SMAP1: variants seen among roughly 807,000 people sequenced by gnomAD.
SMAP1 encodes small ArfGAP 1, also known as stromal membrane-associated protein 1.
Under a neutral mutation model 58.5 loss-of-function variants are expected in SMAP1, and 24 were observed. The ratio of observed to expected loss-of-function variants is 0.41; its 90% confidence interval spans 0.30 to 0.58. The LOEUF (loss-of-function observed/expected upper bound fraction) is 0.58. SMAP1 is among the 20% of genes least tolerant of loss of function. The pLI is 0.29. For synonymous variants in SMAP1, 216 were observed against 196.6 expected (o/e 1.10, Z -0.82); for missense variants, 563 against 566.3 (o/e 0.99, Z 0.06).
chr6:70,768,070 T>G (rs1273932404), intron 3 of SMAP1, among the ~76,000 whole-genome samples: 2 of 152,180 alleles, frequency 1.3e-5, no homozygotes, highest in African/African-American at 2.4e-5. Flanking sequence ...TTTGTGTATA[T>G]TGAACCAGCC....
At chr6:70,759,355 GT>G in intron 3 of SMAP1, among the ~76,000 whole-genome samples, 1 of 152,178 alleles carries the variant, frequency 6.6e-6, no homozygotes, top group East Asian at 1.9e-4. Context: ...GTTTGTGTCT[GT>G]GGCAGGGTGG....
chr6:70,668,547 C>CG, intron 1 of SMAP1: 1 of 1,527,498 alleles, frequency 6.5e-7, no homozygotes, highest in African/African-American at 1.4e-5. Context: ...TGGGTGGGGC[C>CG]GCGCTTAGGT....
intron 3 of SMAP1, among the ~76,000 whole-genome samples, chr6:70,758,024 A>G (rs1425729179): frequency 2.0e-5 from 3 of 152,048 alleles, no homozygotes; most frequent in Non-Finnish European, 4.4e-5. Context: ...TACTGGGTAT[A>G]TACCCAAAGG....
chr6:70,675,609 C>T (rs1001195989), intron 1 of SMAP1, among the ~76,000 whole-genome samples: 8 of 151,162 alleles, frequency 5.3e-5, no homozygotes, highest in African/African-American at 1.9e-4. Context: ...CAAGATCGTG[C>T]CATTGCACTA....
intron 3 of SMAP1, chr6:70,759,960 G>A: frequency 2.6e-5 from 10 of 387,638 alleles, no homozygotes; most frequent in South Asian, 1.9e-4. Context: ...CGGTGACATA[G>A]AGCATAATAT....
At chr6:70,761,915 T>C (rs1022867771) in intron 3 of SMAP1, among the ~76,000 whole-genome samples, 2 of 152,098 alleles carry the variant, frequency 1.3e-5, no homozygotes, top group Non-Finnish European at 2.9e-5. Context: ...CTTCAAACTC[T>C]TGTCAACCTT....
intron 3 of SMAP1, among the ~76,000 whole-genome samples, chr6:70,768,493 C>T (rs532496143): frequency 5.2e-4 from 79 of 152,166 alleles, no homozygotes; most frequent in African/African-American, 1.6e-3. Flanking sequence ...GTGTATGTGT[C>T]GAGGAATTTA....
In SMAP1 at chr6:70,858,000, T is replaced by A. The variant is rs762900131; in HGVS notation, c.1040T>A (p.Val347Glu). The A allele has an allele frequency of 6.2e-7, 1 of 1,614,180 alleles. No homozygotes were observed. Among genetic ancestry groups the A allele is most frequent in the Non-Finnish European group, 8.5e-7 (1 of 1,180,012 alleles). ...AAFQGFPSMG[V>E]PVPAAPGLIG... The stretch of plus-strand genomic sequence containing the variant: ...TTTCAGGGCTTTCCATCGATGGGCG[T>A]GCCTGTGCCTGCAGCTCCTGGCCTT... The change falls in exon 10 of 11, where the codon GTG (valine) becomes GAG (glutamate). Residue 347 changes from valine to glutamate, a missense_variant. Physicochemically the swap from Val to Glu is moderately radical, Grantham distance 121 (BLOSUM62 -2). Around this residue, in one of 3 missense-constraint regions of SMAP1, gnomAD observed 494 missense variants for 473.8 expected, o/e 1.04. Transcript: ENST00000370455.
intron 10 of SMAP1, 33 bp downstream of exon 10, chr6:70,858,262 A>C (rs1771523760): frequency 6.9e-7 from 1 of 1,442,814 alleles, no homozygotes; most frequent in Non-Finnish European, 9.3e-7. Flanking sequence ...CTTCTCCCAA[A>C]TCAAACCAGA....
intron 6 of SMAP1, among the ~76,000 whole-genome samples, chr6:70,800,637 G>A (rs1768801117): frequency 6.6e-6 from 1 of 152,038 alleles, no homozygotes; most frequent in African/African-American, 2.4e-5. Context: ...ATTTACATTA[G>A]GTATATCTCC....
intron 6 of SMAP1, among the ~76,000 whole-genome samples, chr6:70,817,826 C>G: frequency 6.6e-6 from 1 of 152,106 alleles, no homozygotes; most frequent in East Asian, 1.9e-4. Flanking sequence ...CCTTCAAACC[C>G]ATTTCCAAAG....
intron 3 of SMAP1, among the ~76,000 whole-genome samples, chr6:70,755,722 T>A (rs1582120400): frequency 6.6e-6 from 1 of 152,150 alleles, no homozygotes; most frequent in East Asian, 1.9e-4. Context: ...CATCTCTCAA[T>A]TGGAAAGTAT....
At chr6:70,717,916 A>AT (rs1321761239) in intron 1 of SMAP1, among the ~76,000 whole-genome samples, 18 of 152,338 alleles carry the variant, frequency 1.2e-4, no homozygotes, top group Non-Finnish European at 1.3e-4. Flanking sequence ...TTTATCTTAT[A>AT]TATCTATTTT....
chr6:70,837,483 C>T (rs1220924216), intron 7 of SMAP1, among the ~76,000 whole-genome samples: 2 of 151,922 alleles, frequency 1.3e-5, no homozygotes, highest in African/African-American at 4.8e-5. Context: ...ATTTTGCATC[C>T]AGATCTAGTG....
At chr6:70,804,753 T>G (rs1393184819) in intron 6 of SMAP1, among the ~76,000 whole-genome samples, 1 of 152,204 alleles carries the variant, frequency 6.6e-6, no homozygotes, top group South Asian at 2.1e-4. Context: ...CCTTCACTTA[T>G]GAAGCTTAGT....
intron 1 of SMAP1, among the ~76,000 whole-genome samples, chr6:70,678,566 A>G (rs964233319): frequency 2.1e-4 from 32 of 152,238 alleles, no homozygotes; most frequent in Non-Finnish European, 5.9e-5. Flanking sequence ...TGCTATTAAA[A>G]AATCCTACAA....
chr6:70,729,236 A>G (rs1010696692), intron 1 of SMAP1, among the ~76,000 whole-genome samples: 4 of 151,964 alleles, frequency 2.6e-5, no homozygotes, highest in Admixed American at 2.6e-4. Flanking sequence ...TCAGGAGATC[A>G]AGACCATCCT....
At chr6:70,747,823 G>A (rs10498876) in intron 2 of SMAP1, among the ~76,000 whole-genome samples, 75,548 of 152,004 alleles carry the variant, frequency 0.5, 19,114 homozygotes, top group African/African-American at 0.52. Context: ...CATTCTCTCC[G>A]TTTGTAGTAA....
intron 7 of SMAP1, among the ~76,000 whole-genome samples, chr6:70,846,329 C>T (rs35251287): frequency 0.57 from 86,841 of 151,200 alleles, 25,367 homozygotes; most frequent in East Asian, 0.76. Flanking sequence ...GAGTATGTGC[C>T]TTAATCCACG....
Sources: allele counts gnomAD v4.1 joint callset (sites outside exome capture counted in the v4.1 genomes callset), GRCh38; gene constraint gnomAD v4.1.1; regional missense constraint gnomAD v4.1.1; transcripts MANE v1.5; gene names NCBI Gene and HGNC (gene_info 2026-07-23, HGNC 2026-07-21).